Variants in TUSC3 observed in about 807,000 individuals in gnomAD.
TUSC3 encodes tumor suppressor candidate 3, also known as dolichyl-diphosphooligosaccharide--protein glycosyltransferase subunit TUSC3.
TUSC3 carries 45 observed loss-of-function variants against 44.8 expected under a neutral mutation model. The ratio of observed to expected loss-of-function variants is 1.00; its 90% confidence interval spans 0.79 to 1.29. TUSC3 has a LOEUF of 1.29. Ranked by LOEUF, TUSC3 falls within the 50% of genes most tolerant of loss-of-function variation. The pLI is 0.00. For synonymous variants in TUSC3, 212 were observed against 152.9 expected, an observed-to-expected ratio of 1.39 and a Z score of -2.85; for missense variants, 519 against 437.9, an observed-to-expected ratio of 1.19 and a Z score of -1.65.
chr8:15,650,478 C>G (rs569019979), intron 2 of TUSC3, among the ~76,000 whole-genome samples: 11 of 151,872 alleles, frequency 7.2e-5, no homozygotes, highest in Non-Finnish European at 1.5e-4. Context: ...GTGGCTGTGT[C>G]GCAATAAAAC....
chr8:15,784,546 A>T, the TUSC3 span, among the ~76,000 whole-genome samples: 2 of 151,546 alleles, frequency 1.3e-5, no homozygotes, highest in Admixed American at 1.3e-4. Flanking sequence ...GTGTGTGTGT[A>T]TGCACACACA....
At chr8:15,540,143 G>C (rs1440889420), upstream of TUSC3, 2 of 394,150 alleles carry the variant, frequency 5.1e-6, no homozygotes, top group African/African-American at 2.1e-5. Context: ...GTCCGGGAAA[G>C]GCAAGCTCCG....
the TUSC3 span, among the ~76,000 whole-genome samples, chr8:15,829,507 T>C: frequency 5.3e-5 from 8 of 152,236 alleles, no homozygotes; most frequent in African/African-American, 1.9e-4. Context: ...TTAGGTACAG[T>C]TCAACATAAA....
chr8:15,492,049 C>G (rs1332844304), intron 2 of TUSC3, among the ~76,000 whole-genome samples: 1 of 152,194 alleles, frequency 6.6e-6, no homozygotes, highest in Non-Finnish European at 1.5e-5. Flanking sequence ...TGCCTTTACT[C>G]CTCATATTCC....
chr8:15,450,167 T>G (rs536532362), intron 1 of TUSC3, among the ~76,000 whole-genome samples: 19 of 152,330 alleles, frequency 1.2e-4, no homozygotes, highest in Middle Eastern at 3.4e-3. Flanking sequence ...ACTACTAACA[T>G]TATTTGTTTC....
chr8:15,816,059 A>G, the TUSC3 span, among the ~76,000 whole-genome samples: 1 of 152,106 alleles, frequency 6.6e-6, no homozygotes, highest in Non-Finnish European at 1.5e-5. Flanking sequence ...TACCCAGTGT[A>G]TTGTGTGAGC....
downstream of TUSC3, among the ~76,000 whole-genome samples, chr8:15,768,971 G>C (rs1266604260): frequency 6.6e-6 from 1 of 152,104 alleles, no homozygotes; most frequent in Admixed American, 6.6e-5. Context: ...GGATAGGACA[G>C]ATGAATATCG....
chr8:15,767,234 A>T (rs1306868662), downstream of TUSC3, among the ~76,000 whole-genome samples: 2 of 152,084 alleles, frequency 1.3e-5, no homozygotes, highest in African/African-American at 4.8e-5. Flanking sequence ...ATACATGCAT[A>T]TATTTATATC....
intron 7 of TUSC3, among the ~76,000 whole-genome samples, chr8:15,736,101 G>T (rs1209159051): frequency 6.6e-6 from 1 of 152,094 alleles, no homozygotes; most frequent in African/African-American, 2.4e-5. Context: ...ACAAATGTGT[G>T]TGGGGATATG....
At chr8:15,642,653 A>G (rs17121759) in intron 2 of TUSC3, among the ~76,000 whole-genome samples, 4,318 of 152,268 alleles carry the variant, frequency 0.028, 169 homozygotes, top group African/African-American at 0.096. Flanking sequence ...GATGTGAGTT[A>G]ACGCTTTCCT....
intron 1 of TUSC3, among the ~76,000 whole-genome samples, chr8:15,446,638 A>C (rs1393322620): frequency 6.6e-6 from 1 of 150,456 alleles, no homozygotes; most frequent in East Asian, 2.0e-4. Flanking sequence ...GAGGCAGGAG[A>C]ATCAGGCAGG....
intron 1 of TUSC3, among the ~76,000 whole-genome samples, chr8:15,570,155 G>T (rs1404567902): frequency 1.3e-5 from 2 of 151,894 alleles, no homozygotes; most frequent in Non-Finnish European, 2.9e-5. Flanking sequence ...TCTCATTGTA[G>T]GGAAGTTCTG....
At position 15,748,615 on chromosome 8, in the gene TUSC3, C is replaced by T. The variant is rs113401742; in HGVS notation, c.1028+150C>T. On this transcript the variant is annotated intron_variant, in intron 9 of 10. Coordinates refer to ENST00000503731, the MANE Select transcript of TUSC3 (RefSeq NM_006765.4). ...AGTTTTTGAGCACCTGCCATGTGTTCAGCATAGTGAAGTACACAAAGGAGA... is the reference window on the plus strand; with the variant it reads ...AGTTTTTGAGCACCTGCCATGTGTTTAGCATAGTGAAGTACACAAAGGAGA... 22 of 773,712 alleles carry T rather than the reference C, an allele frequency of 2.8e-5. No homozygotes were observed. In the African/African-American group the frequency reaches 3.4e-4, roughly 12 times the overall value. 47.9% of individuals were successfully genotyped at this position (773,712 alleles called of 1,614,324 possible). A position where few individuals can be genotyped will look rare whatever the true frequency, so the allele number is the denominator to read the frequency against.
the TUSC3 span, among the ~76,000 whole-genome samples, chr8:15,781,753 A>G: frequency 6.6e-6 from 1 of 152,132 alleles, no homozygotes; most frequent in East Asian, 1.9e-4. Flanking sequence ...TAAACTTCCA[A>G]AAAACTGAAG....
At chr8:15,539,225 CCAAAGGTGTT>C (rs1425555128), upstream of TUSC3, among the ~76,000 whole-genome samples, 1 of 151,708 alleles carries the variant, frequency 6.6e-6, no homozygotes, top group Non-Finnish European at 1.5e-5. Context: ...TATCACATTA[CCAAAGGTGTT>C]CATGGCACAA....
chr8:15,620,314 G>A (rs1228965078), intron 1 of TUSC3, among the ~76,000 whole-genome samples: 1 of 152,156 alleles, frequency 6.6e-6, no homozygotes. Context: ...CAAGATTGAT[G>A]CAAAATGATG....
chr8:15,655,097 C>A (rs1807094451), intron 3 of TUSC3, among the ~76,000 whole-genome samples: 1 of 152,136 alleles, frequency 6.6e-6, no homozygotes, highest in South Asian at 2.1e-4. Context: ...GGGTCCCTCA[C>A]CCCAGGATGT....
At chr8:15,655,261 A>C (rs1807101858) in intron 3 of TUSC3, among the ~76,000 whole-genome samples, 1 of 152,188 alleles carries the variant, frequency 6.6e-6, no homozygotes, top group Non-Finnish European at 1.5e-5. Context: ...CTTAGGACTT[A>C]AGTGAGTAGG....
chr8:15,721,092 G>A (rs1325942775), intron 6 of TUSC3, among the ~76,000 whole-genome samples: 1 of 151,742 alleles, frequency 6.6e-6, no homozygotes, highest in Non-Finnish European at 1.5e-5. Context: ...TTAAACACAT[G>A]TTATAGACTT....
Sources: gnomAD v4.1 joint callset for allele counts (sites outside exome capture counted in the v4.1 genomes callset) on GRCh38, gnomAD v4.1.1 for gene constraint, MANE v1.5 for transcripts, NCBI Gene and HGNC (gene_info 2026-07-23, HGNC 2026-07-21) for gene names.